OSTN: variants seen among roughly 807,000 people sequenced by gnomAD.
The protein encoded by OSTN is osteocrin.
A neutral mutation model predicts 12.0 loss-of-function variants in OSTN; 9 were observed. The ratio of observed to expected loss-of-function variants is 0.75; its 90% CI spans 0.45 to 1.30. The LOEUF (loss-of-function observed/expected upper bound fraction) is 1.30, where lower values mean the gene tolerates loss of function less well. Ranked by LOEUF, OSTN falls within the 50% of genes most tolerant of loss-of-function variation. The pLI is 0.00. For missense variants in OSTN, 148 were observed against 152.3 expected (o/e 0.97, Z 0.15); for synonymous variants, 59 against 56.9 (o/e 1.04, Z -0.16).
intron 4 of OSTN, among the ~76,000 whole-genome samples, chr3:191,258,757 G>A (rs1017367377): frequency 5.3e-5 from 8 of 151,976 alleles, no homozygotes; most frequent in Non-Finnish European, 8.8e-5. Context: ...TCACTTTGCC[G>A]CAAATACATT....
chr3:191,217,796 C>A (rs1436446984), intron 2 of OSTN, among the ~76,000 whole-genome samples: 2 of 152,056 alleles, frequency 1.3e-5, no homozygotes, highest in African/African-American at 4.8e-5. Context: ...TGGTGAGATG[C>A]TTAGAAACAG....
At position 191,264,503 on chromosome 3, in the gene OSTN, C is replaced by G. The variant is rs1715876977; in HGVS notation, c.*1650C>G. On this transcript the variant is annotated 3_prime_UTR_variant, in exon 5 of 5. Coordinates refer to ENST00000682035, the MANE Select transcript of OSTN (RefSeq NM_198184.2). ...AATTTTTTTTCATTGTAGTAGAGGG[C>G]TGTAGCCAAGAGAAGTGAATTTTGG... 1 of 151,954 alleles carries G rather than the reference C, an allele frequency of 6.6e-6. No individual in the cohort carries two copies. The highest frequency in any genetic ancestry group is 2.4e-5 in the African/African-American group (1 of 41,394). 9.4% of individuals were successfully genotyped at this position (151,954 alleles called of 1,614,324 possible). A position where few individuals can be genotyped will look rare whatever the true frequency, so the allele number is the denominator to read the frequency against.
chr3:191,216,457 T>C (rs2108531215), intron 2 of OSTN, among the ~76,000 whole-genome samples: 1 of 152,374 alleles, frequency 6.6e-6, no homozygotes, highest in Non-Finnish European at 1.5e-5. Flanking sequence ...AAATGGGTTT[T>C]TCATTTCTAT....
At chr3:191,208,939 C>T (rs1714349993) in intron 1 of OSTN, among the ~76,000 whole-genome samples, 1 of 152,182 alleles carries the variant, frequency 6.6e-6, no homozygotes, top group Non-Finnish European at 1.5e-5. Context: ...AGGTGGATCA[C>T]CTGAGGTCAG....
intron 1 of OSTN, among the ~76,000 whole-genome samples, chr3:191,204,771 T>C (rs142160283): frequency 2.1e-3 from 320 of 152,334 alleles, no homozygotes; most frequent in Non-Finnish European, 3.7e-3. Context: ...TGACAAACTA[T>C]AATTTATCCT....
In OSTN at chr3:191,218,834, C is replaced by G. The variant is rs1206400830; in HGVS notation, c.190C>G (p.Leu64Val). 1 of 1,613,972 alleles carries G rather than the reference C, an allele frequency of 6.2e-7. No homozygotes were observed. The highest frequency in any genetic ancestry group is 8.5e-7 in the Non-Finnish European group (1 of 1,179,998). ...SATDLTAKLL[L>V]LDELVSLEND... Reference sequence around the variant, plus strand: ...CACTGACCTGACAGCAAAACTCTTGCTTCTTGATGAATTGGTGTCCCTAGA... The same window carrying G: ...CACTGACCTGACAGCAAAACTCTTGGTTCTTGATGAATTGGTGTCCCTAGA... The change falls in exon 3 of 5, where the codon CTT becomes GTT. Residue 64 changes from leucine to valine, a missense_variant. Physicochemically the swap from Leu to Val is conservative, Grantham distance 32. Transcript: ENST00000682035.
chr3:191,236,134 G>C (rs1364292913), intron 3 of OSTN, among the ~76,000 whole-genome samples: 1 of 152,244 alleles, frequency 6.6e-6, no homozygotes, highest in Non-Finnish European at 1.5e-5. Context: ...ACCTCCTTTG[G>C]AAGTACTACA....
At chr3:191,245,323 T>C (rs1010922789) in intron 3 of OSTN, among the ~76,000 whole-genome samples, 2 of 152,090 alleles carry the variant, frequency 1.3e-5, no homozygotes, top group Non-Finnish European at 2.9e-5. Flanking sequence ...TACATGGTAA[T>C]GCATGAAACA....
chr3:191,230,562 C>CAAAAAAAAA (rs35542147), intron 3 of OSTN, among the ~76,000 whole-genome samples: 1 of 36,446 alleles, frequency 2.7e-5, no homozygotes, highest in Admixed American at 2.8e-4. Flanking sequence ...GACTCCGTCT[C>CAAAAAAAAA]AAAAAAAAAA....
In OSTN at chr3:191,265,343, A is replaced by G. The variant is rs147744260; in HGVS notation, c.*2490A>G. On this transcript the variant is annotated 3_prime_UTR_variant, in exon 5 of 5. Coordinates refer to ENST00000682035, the MANE Select transcript of OSTN (RefSeq NM_198184.2). ...TCTGGGTTCTAGTGTCAATTACATA[A>G]TCAAATTTCATAAAAGGATGTTAGT... The G allele has an allele frequency of 2.9e-3, 448 of 152,308 alleles. 5 individuals are homozygous for G. The highest frequency in any genetic ancestry group is 0.01 in the African/African-American group (427 of 41,576). 9.4% of individuals were successfully genotyped at this position (152,308 alleles called of 1,614,324 possible). A position where few individuals can be genotyped will look rare whatever the true frequency, so the allele number is the denominator to read the frequency against.
Position 191,264,347 on chromosome 3 carries a change from G to A in OSTN, c.*1494G>A, listed in dbSNP as rs529711239. On this transcript the variant is annotated 3_prime_UTR_variant, in exon 5 of 5. Transcript: ENST00000682035. ...TTTTTAAAGATAAAGTTTAAAAGAG[G>A]CAAAAAGAGGTGAAAGAAATGAACA... 6.6e-6 allele frequency: 1 copy of A among 152,076 alleles called. No individual in the cohort carries two copies. Among genetic ancestry groups the A allele is most frequent in the Admixed American group, 6.5e-5 (1 of 15,292 alleles). 9.4% of individuals were successfully genotyped at this position (152,076 alleles called of 1,614,324 possible). A position where few individuals can be genotyped will look rare whatever the true frequency, so the allele number is the denominator to read the frequency against.
At chr3:191,219,025 G>C in intron 3 of OSTN, 64 bp downstream of exon 3, 1 of 1,392,608 alleles carries the variant, frequency 7.2e-7, no homozygotes, top group Non-Finnish European at 9.8e-7. Flanking sequence ...TTCTAAATCT[G>C]AGAGAATTCC....
chr3:191,260,615 C>T (rs1369172451), intron 4 of OSTN, among the ~76,000 whole-genome samples: 1 of 152,062 alleles, frequency 6.6e-6, no homozygotes, highest in Non-Finnish European at 1.5e-5. Context: ...TATGACAAAC[C>T]CCCGCCCCCG....
chr3:191,240,979 G>A (rs925910225), intron 3 of OSTN, among the ~76,000 whole-genome samples: 2 of 152,076 alleles, frequency 1.3e-5, no homozygotes, highest in African/African-American at 4.8e-5. Flanking sequence ...ACTACATAAT[G>A]GTAGAATTAT....
At chr3:191,255,513 C>A (rs994841212) in intron 4 of OSTN, among the ~76,000 whole-genome samples, 2 of 152,154 alleles carry the variant, frequency 1.3e-5, no homozygotes, top group African/African-American at 4.8e-5. Context: ...ATGAAATAAC[C>A]AGTGTCTGCA....
chr3:191,211,016 A>T (rs1175268270), intron 1 of OSTN, among the ~76,000 whole-genome samples: 2 of 152,216 alleles, frequency 1.3e-5, no homozygotes, highest in East Asian at 3.8e-4. Context: ...CACTACCCAG[A>T]ATTAACATGT....
intron 2 of OSTN, 83 bp downstream of exon 2, chr3:191,212,717 A>T: frequency 4.1e-5 from 13 of 319,078 alleles, no homozygotes; most frequent in South Asian, 1.0e-4. Context: ...AAGAATATAT[A>T]TTAAAATATA....
intron 4 of OSTN, among the ~76,000 whole-genome samples, chr3:191,260,510 T>C (rs1201131014): frequency 6.6e-6 from 1 of 152,192 alleles, no homozygotes; most frequent in Non-Finnish European, 1.5e-5. Flanking sequence ...CAGTAATCTG[T>C]GACACCAGGT....
At chr3:191,231,648 T>A (rs1274907347) in intron 3 of OSTN, among the ~76,000 whole-genome samples, 1 of 152,210 alleles carries the variant, frequency 6.6e-6, no homozygotes, top group Non-Finnish European at 1.5e-5. Flanking sequence ...GAGTTTCTTA[T>A]AAATGTCTGC....
Sources: allele counts gnomAD v4.1 joint callset (sites outside exome capture counted in the v4.1 genomes callset), GRCh38; gene constraint gnomAD v4.1.1; transcripts MANE v1.5; gene names NCBI Gene and HGNC (gene_info 2026-07-23, HGNC 2026-07-21).